Variants in GRID2 observed in about 807,000 individuals in gnomAD.
GRID2 encodes the protein glutamate receptor ionotropic, delta-2.
A neutral mutation model predicts 114.8 loss-of-function variants in GRID2; 33 were observed. The observed-to-expected ratio is 0.29, with a 90% confidence interval of 0.22 to 0.38. GRID2 has a LOEUF of 0.38. Ranked by LOEUF, GRID2 falls within the 10% of genes least tolerant of loss-of-function variation. GRID2 has a pLI of 1.00. For synonymous variants in GRID2, 505 were observed against 449.9 expected, an observed-to-expected ratio of 1.12 and a Z score of -1.55; for missense variants, 1,184 against 1,257.7, an observed-to-expected ratio of 0.94 and a Z score of 0.89.
chr4:93,574,988 ATT>A, intron 13 of GRID2, among the ~76,000 whole-genome samples: 1 of 152,100 alleles, frequency 6.6e-6, no homozygotes, highest in Non-Finnish European at 1.5e-5. Flanking sequence ...AGAATAACTG[ATT>A]CTAGCTGGGC....
At chr4:93,078,497 A>G (rs1353538103) in intron 2 of GRID2, among the ~76,000 whole-genome samples, 3 of 151,310 alleles carry the variant, frequency 2.0e-5, no homozygotes, top group Non-Finnish European at 4.4e-5. Flanking sequence ...TATATAATAT[A>G]CAGGTATATA....
chr4:92,684,292 G>C (rs973380577), intron 2 of GRID2, among the ~76,000 whole-genome samples: 4 of 151,888 alleles, frequency 2.6e-5, no homozygotes, highest in African/African-American at 9.7e-5. Flanking sequence ...GGGCCAGTGG[G>C]AAAAATAGAG....
intron 10 of GRID2, among the ~76,000 whole-genome samples, chr4:93,428,457 A>G (rs927978482): frequency 2.0e-5 from 3 of 152,126 alleles, no homozygotes; most frequent in Non-Finnish European, 4.4e-5. Context: ...TAGATCGTAT[A>G]CTAATTGAAT....
chr4:92,790,959 T>A (rs1485722292), intron 2 of GRID2, among the ~76,000 whole-genome samples: 1 of 151,838 alleles, frequency 6.6e-6, no homozygotes, highest in East Asian at 2.0e-4. Context: ...TCGGCAAGTT[T>A]ATTTTAATCT....
At chr4:93,744,416 A>T (rs541685362) in intron 14 of GRID2, among the ~76,000 whole-genome samples, 1 of 152,230 alleles carries the variant, frequency 6.6e-6, no homozygotes, top group Admixed American at 6.5e-5. Flanking sequence ...ATCAACATCA[A>T]CAAGAGTTGG....
intron 1 of GRID2, among the ~76,000 whole-genome samples, chr4:92,328,740 G>A (rs1047138295): frequency 4.6e-5 from 7 of 152,152 alleles, no homozygotes; most frequent in African/African-American, 1.7e-4. Flanking sequence ...TTTTGTTTCT[G>A]TTGGGTGTTC....
At chr4:92,353,441 A>G (rs1415748759) in intron 1 of GRID2, among the ~76,000 whole-genome samples, 1 of 152,002 alleles carries the variant, frequency 6.6e-6, no homozygotes, top group Non-Finnish European at 1.5e-5. Flanking sequence ...AAATATTAAA[A>G]TGTGGTAACT....
At position 93,648,693 on chromosome 4, in the gene GRID2, A is replaced by G. The variant is rs562081550; in HGVS notation, c.2360+22258A>G. Among the ~76,000 whole-genome samples, 6 of 152,328 alleles carry G rather than the reference A, an allele frequency of 3.9e-5. No homozygotes were observed. In the East Asian group the frequency reaches 1.2e-3, roughly 29 times the overall value. ...AGAGGTTCTGGTTTCGCAGGCATGT[A>G]TAATTTTTATTTCTAACAAGTTCCA... On this transcript the variant is annotated intron_variant, in intron 14 of 15. Coordinates refer to ENST00000282020, the MANE Select transcript of GRID2 (RefSeq NM_001510.4).
intron 14 of GRID2, among the ~76,000 whole-genome samples, chr4:93,656,829 C>CAAAAAAAAAAAAAAAAAA (rs61508444): frequency 3.1e-5 from 1 of 31,914 alleles, no homozygotes; most frequent in African/African-American, 1.1e-4. Flanking sequence ...GACTCTGCCT[C>CAAAAAAAAAAAAAAAAAA]AAAAAAAAAA....
intron 1 of GRID2, among the ~76,000 whole-genome samples, chr4:93,805,647 T>C (rs1458900724): frequency 6.6e-6 from 1 of 152,222 alleles, no homozygotes; most frequent in Non-Finnish European, 1.5e-5. Context: ...AGGATCACAC[T>C]GATCCCTTCT....
chr4:93,044,708 A>C (rs2149273244), intron 2 of GRID2, among the ~76,000 whole-genome samples: 1 of 152,266 alleles, frequency 6.6e-6, no homozygotes, highest in African/African-American at 2.4e-5. Context: ...CAAGGTGCAT[A>C]AGTGATCATT....
At chr4:93,205,875 TTG>T (rs947813252) in intron 4 of GRID2, among the ~76,000 whole-genome samples, 1 of 152,110 alleles carries the variant, frequency 6.6e-6, no homozygotes, top group African/African-American at 2.4e-5. Context: ...TGGTATCTCA[TTG>T]TGGTTTTGAT....
intron 1 of GRID2, among the ~76,000 whole-genome samples, chr4:92,318,290 G>GTATATATA (rs1553923538): frequency 4.8e-5 from 5 of 104,110 alleles, no homozygotes; most frequent in Non-Finnish European, 1.0e-4. Flanking sequence ...ATATATGTGT[G>GTATATATA]TATATATATA....
At chr4:92,488,163 TA>T (rs1391218616) in intron 1 of GRID2, among the ~76,000 whole-genome samples, 1 of 152,176 alleles carries the variant, frequency 6.6e-6, no homozygotes, top group African/African-American at 2.4e-5. Context: ...TGACATAATC[TA>T]ATACTCAATT....
chr4:92,597,325 T>C (rs1396724689), intron 2 of GRID2, among the ~76,000 whole-genome samples: 1 of 152,148 alleles, frequency 6.6e-6, no homozygotes, highest in Non-Finnish European at 1.5e-5. Flanking sequence ...ACTGCTGTAT[T>C]TGTATGTCTT....
At chr4:92,801,449 T>TTA (rs1740166017) in intron 2 of GRID2, among the ~76,000 whole-genome samples, 8 of 151,998 alleles carry the variant, frequency 5.3e-5, no homozygotes, top group African/African-American at 1.9e-4. Context: ...TCCACCCCCA[T>TTA]TAAGGTAAAC....
chr4:92,581,677 C>G (rs1390794046), intron 1 of GRID2, among the ~76,000 whole-genome samples: 1 of 152,104 alleles, frequency 6.6e-6, no homozygotes, highest in Non-Finnish European at 1.5e-5. Flanking sequence ...CTGGAGAAAT[C>G]TCTGGAGACA....
At chr4:93,780,501 G>A (rs1006000637) in intron 1 of GRID2, among the ~76,000 whole-genome samples, 1 of 152,234 alleles carries the variant, frequency 6.6e-6, no homozygotes, top group Non-Finnish European at 1.5e-5. Flanking sequence ...AACCACTGGA[G>A]TGTTTTGAAC....
At chr4:92,682,681 G>GAC (rs1733705425) in intron 2 of GRID2, among the ~76,000 whole-genome samples, 2 of 108,022 alleles carry the variant, frequency 1.9e-5, no homozygotes, top group African/African-American at 7.7e-5. Context: ...AAAATCGCAG[G>GAC]GCACACACAC....
Sources: gnomAD v4.1 joint callset for allele counts (sites outside exome capture counted in the v4.1 genomes callset) on GRCh38, gnomAD v4.1.1 for gene constraint, MANE v1.5 for transcripts, NCBI Gene and HGNC (gene_info 2026-07-23, HGNC 2026-07-21) for gene names.